MCTP1: variants seen among roughly 807,000 people sequenced by gnomAD.
MCTP1 encodes the protein multiple C2 and transmembrane domain containing 1, also known as multiple C2 and transmembrane domain-containing protein 1.
A neutral mutation model predicts 120.6 loss-of-function variants in MCTP1; 69 were observed. The observed-to-expected ratio is 0.57, with a 90% CI of 0.47 to 0.70. The LOEUF (loss-of-function observed/expected upper bound fraction) is 0.70, where lower values mean the gene tolerates loss of function less well. Among genes scored for constraint, MCTP1 ranks in the 30% least tolerant of loss-of-function variants. MCTP1 has a pLI of 0.00. For synonymous variants in MCTP1, 529 were observed against 493.1 expected (o/e 1.07, Z -0.96); for missense variants, 1,203 against 1,248.8 (o/e 0.96, Z 0.55).
At chr5:94,865,086 G>C (rs1796550221) in intron 17 of MCTP1, among the ~76,000 whole-genome samples, 1 of 151,758 alleles carries the variant, frequency 6.6e-6, no homozygotes, top group African/African-American at 2.4e-5. Context: ...CACAAAATAA[G>C]CACACGCCCA....
At chr5:94,982,920 C>T (rs1829753851) in intron 2 of MCTP1, among the ~76,000 whole-genome samples, 1 of 91,302 alleles carries the variant, frequency 1.1e-5, no homozygotes, top group Non-Finnish European at 2.7e-5. Flanking sequence ...AAAAGATGGT[C>T]AGGGTGGACC....
chr5:94,873,500 T>C (rs935061187), intron 12 of MCTP1, among the ~76,000 whole-genome samples: 3 of 151,958 alleles, frequency 2.0e-5, no homozygotes, highest in Admixed American at 6.6e-5. Flanking sequence ...GCACTTCAAT[T>C]TGCAATTTTT....
intron 1 of MCTP1, among the ~76,000 whole-genome samples, chr5:95,146,468 T>A (rs1760405363): frequency 6.6e-6 from 1 of 152,192 alleles, no homozygotes; most frequent in African/African-American, 2.4e-5. Flanking sequence ...CTGTAAGTAC[T>A]ATGGTGGGTA....
At chr5:95,238,632 C>T (rs996081888) in intron 1 of MCTP1, among the ~76,000 whole-genome samples, 6 of 152,104 alleles carry the variant, frequency 3.9e-5, no homozygotes, top group African/African-American at 9.7e-5. Flanking sequence ...GCAGAACTGC[C>T]GTCACAACCT....
intron 1 of MCTP1, among the ~76,000 whole-genome samples, chr5:95,076,314 T>C (rs1276510284): frequency 6.6e-6 from 1 of 152,204 alleles, no homozygotes; most frequent in Non-Finnish European, 1.5e-5. Flanking sequence ...GCCATGAACA[T>C]TCATTTGTTT....
At chr5:94,864,924 C>T (rs1796516154) in intron 17 of MCTP1, among the ~76,000 whole-genome samples, 1 of 151,856 alleles carries the variant, frequency 6.6e-6, no homozygotes, top group Non-Finnish European at 1.5e-5. Context: ...TAGTCAAGAG[C>T]CTGATGAAAA....
intron 1 of MCTP1, among the ~76,000 whole-genome samples, chr5:95,243,795 A>G (rs1252681145): frequency 2.6e-5 from 4 of 152,250 alleles, no homozygotes; most frequent in Non-Finnish European, 5.9e-5. Context: ...AGTGGCAAGC[A>G]GGGAAAGTTA....
At chr5:94,954,447 T>C (rs961428426) in intron 2 of MCTP1, among the ~76,000 whole-genome samples, 6 of 151,902 alleles carry the variant, frequency 3.9e-5, no homozygotes, top group Non-Finnish European at 7.4e-5. Flanking sequence ...ATACCATCTA[T>C]TTGGTACAAT....
At chr5:94,862,711 A>G (rs568717178) in intron 17 of MCTP1, among the ~76,000 whole-genome samples, 1 of 151,926 alleles carries the variant, frequency 6.6e-6, no homozygotes, top group Admixed American at 6.6e-5. Context: ...TATGTAATGC[A>G]CTATGAAAGG....
chr5:95,095,287 T>C (rs986657516), intron 1 of MCTP1, among the ~76,000 whole-genome samples: 19 of 152,070 alleles, frequency 1.2e-4, no homozygotes, highest in African/African-American at 4.1e-4. Flanking sequence ...CCTCCCAAAG[T>C]GCTGGGATTA....
chr5:95,051,668 G>A (rs1745944972), intron 1 of MCTP1, among the ~76,000 whole-genome samples: 1 of 152,108 alleles, frequency 6.6e-6, no homozygotes, highest in Admixed American at 6.6e-5. Context: ...GATATACTAT[G>A]CCACTGCACA....
intron 6 of MCTP1, among the ~76,000 whole-genome samples, chr5:94,927,234 G>A (rs138676832): frequency 2.0e-5 from 3 of 152,154 alleles, no homozygotes; most frequent in African/African-American, 7.2e-5. Context: ...CAGGACTTTG[G>A]TTAGGTGGGG....
intron 2 of MCTP1, among the ~76,000 whole-genome samples, chr5:95,009,492 A>T (rs1204805688): frequency 6.6e-6 from 1 of 151,968 alleles, no homozygotes; most frequent in Non-Finnish European, 1.5e-5. Context: ...TGCCAGATAA[A>T]GTGACACTAA....
At chr5:95,259,583 T>C (rs1372752538) in intron 1 of MCTP1, among the ~76,000 whole-genome samples, 2 of 152,120 alleles carry the variant, frequency 1.3e-5, no homozygotes. Context: ...CTTAATACAC[T>C]ATAATTACAA....
chr5:94,795,742 C>A (rs1779867548), intron 18 of MCTP1, among the ~76,000 whole-genome samples: 1 of 152,158 alleles, frequency 6.6e-6, no homozygotes, highest in African/African-American at 2.4e-5. Flanking sequence ...TTAACAAGTC[C>A]AACTAGGAAA....
chr5:95,168,755 G>A (rs1401665369), intron 1 of MCTP1, among the ~76,000 whole-genome samples: 3 of 152,182 alleles, frequency 2.0e-5, no homozygotes, highest in Non-Finnish European at 4.4e-5. Context: ...TTTTTATCCC[G>A]AGACTTTGCT....
At chr5:94,740,227 G>T (rs1297800827) in intron 19 of MCTP1, among the ~76,000 whole-genome samples, 1 of 152,076 alleles carries the variant, frequency 6.6e-6, no homozygotes, top group Non-Finnish European at 1.5e-5. Context: ...GTCTCTACAG[G>T]CTGCATACTC....
intron 19 of MCTP1, among the ~76,000 whole-genome samples, chr5:94,762,001 C>A (rs1442840258): frequency 6.6e-6 from 1 of 152,188 alleles, no homozygotes; most frequent in Non-Finnish European, 1.5e-5. Flanking sequence ...CCAAGTTGAG[C>A]CTTTTAGATG....
intron 1 of MCTP1, among the ~76,000 whole-genome samples, chr5:95,143,305 A>G (rs1261432806): frequency 1.3e-5 from 2 of 152,166 alleles, no homozygotes; most frequent in Admixed American, 6.6e-5. Flanking sequence ...AATTAACCCA[A>G]TTTGCTACAA....
Sources: allele counts gnomAD v4.1 joint callset (sites outside exome capture counted in the v4.1 genomes callset), GRCh38; gene constraint gnomAD v4.1.1; transcripts MANE v1.5; gene names NCBI Gene and HGNC (gene_info 2026-07-23, HGNC 2026-07-21).